Variants in HAS2 observed in about 807,000 individuals in gnomAD.
The protein encoded by HAS2 is hyaluronan synthase 2, also known as HA synthase 2.
A neutral mutation model predicts 51.6 loss-of-function variants in HAS2; 16 were observed. The observed-to-expected ratio is 0.31, with a 90% confidence interval of 0.21 to 0.47. The LOEUF is 0.47. Ranked by LOEUF, HAS2 falls within the 20% of genes least tolerant of loss-of-function variation. The pLI is 1.00. For missense variants in HAS2, 361 were observed against 662.6 expected, an observed-to-expected ratio of 0.54 and a Z score of 5.00; for synonymous variants, 228 against 235.5, an observed-to-expected ratio of 0.97 and a Z score of 0.29.
intron 1 of HAS2, among the ~76,000 whole-genome samples, chr8:121,640,445 G>GTGTGTGTGTGT (rs1563625799): frequency 2.0e-5 from 3 of 150,830 alleles, no homozygotes; most frequent in African/African-American, 4.9e-5. Flanking sequence ...GTGTGTGTGT[G>GTGTGTGTGTGT]GGAAAAAAAG....
chr8:121,634,735 A>T (rs1003680114), intron 1 of HAS2, among the ~76,000 whole-genome samples: 31 of 150,468 alleles, frequency 2.1e-4, no homozygotes, highest in African/African-American at 7.6e-4. Context: ...CCTTAAGGGT[A>T]CCCCTCAAAC....
chr8:121,640,696 A>C (rs765620860), intron 1 of HAS2, among the ~76,000 whole-genome samples, 157 bp downstream of exon 1: 26 of 152,292 alleles, frequency 1.7e-4, no homozygotes, highest in Admixed American at 2.6e-4. Context: ...GTGACCTGAA[A>C]TATTCCCTGA....
intron 1 of HAS2, among the ~76,000 whole-genome samples, chr8:121,632,654 C>T (rs1812949114): frequency 1.3e-5 from 2 of 152,052 alleles, no homozygotes; most frequent in South Asian, 2.1e-4. Context: ...TTTTCACTAA[C>T]GTGTCCCAAG....
At chr8:121,621,493 T>C (rs555754813) in intron 2 of HAS2, among the ~76,000 whole-genome samples, 3 of 152,302 alleles carry the variant, frequency 2.0e-5, no homozygotes, top group African/African-American at 7.2e-5. Flanking sequence ...AGTATTTCCA[T>C]TAGTATAAGG....
At chr8:121,630,021 G>T (rs1174535173) in intron 1 of HAS2, among the ~76,000 whole-genome samples, 1 of 152,026 alleles carries the variant, frequency 6.6e-6, no homozygotes, top group Non-Finnish European at 1.5e-5. Context: ...AGTCCTCACT[G>T]ACACTAAAAA....
chr8:121,626,711 C>T (rs976306878), intron 2 of HAS2, among the ~76,000 whole-genome samples: 4 of 152,084 alleles, frequency 2.6e-5, no homozygotes, highest in African/African-American at 9.7e-5. Flanking sequence ...TAGGAAATTG[C>T]CATTTTTATA....
Position 121,614,676 on chromosome 8 carries a change from G to A in HAS2, c.1092C>T (p.Tyr364=). 6.2e-7 allele frequency: 1 copy of A among 1,614,126 alleles called. No homozygotes were observed. The highest frequency in any genetic ancestry group is 1.6e-4 in the Middle Eastern group (1 of 6,062). Residue 364 remains tyrosine, a synonymous_variant, in exon 4 of 4, where the codon TAC becomes TAT. Transcript: ENST00000303924. This position sits in a 1 kb window ranked among gnomAD's most constrained non-coding sequence, Gnocchi z 7.2. ...GATGTTTGTGAAACCACATTGCATT[G>A]TACAGCCATTCTCGGAAGTAGGACT... ...WSKSYFREWL[Y]NAMWFHKHHL...
chr8:121,624,389 T>C (rs1424431578), intron 2 of HAS2, among the ~76,000 whole-genome samples: 1 of 152,228 alleles, frequency 6.6e-6, no homozygotes, highest in Non-Finnish European at 1.5e-5. Flanking sequence ...AACATGCACA[T>C]TGGATGACTC....
intron 2 of HAS2, among the ~76,000 whole-genome samples, chr8:121,627,408 G>A (rs1437985808): frequency 6.6e-6 from 1 of 152,062 alleles, no homozygotes; most frequent in Non-Finnish European, 1.5e-5. Flanking sequence ...CTGTCTAGAA[G>A]GGAGATTAAC....
intron 2 of HAS2, among the ~76,000 whole-genome samples, chr8:121,622,784 T>C (rs1445530728): frequency 6.6e-6 from 1 of 152,164 alleles, no homozygotes; most frequent in Non-Finnish European, 1.5e-5. Context: ...AACTTTATTT[T>C]TTAATCTTGA....
At chr8:121,628,655 G>A (rs1423721529) in intron 2 of HAS2, 59 bp downstream of exon 2, 16 of 1,508,044 alleles carry the variant, frequency 1.1e-5, no homozygotes, top group Non-Finnish European at 1.4e-5. Flanking sequence ...TGACTGGACA[G>A]ATACAAAAGC....
intron 2 of HAS2, among the ~76,000 whole-genome samples, chr8:121,621,515 A>G: frequency 6.6e-6 from 1 of 152,192 alleles, no homozygotes; most frequent in East Asian, 1.9e-4. Context: ...AATAGTCTTC[A>G]ATATTTTATA....
intron 2 of HAS2, among the ~76,000 whole-genome samples, chr8:121,622,207 AC>A (rs1450751020): frequency 6.6e-6 from 1 of 152,150 alleles, no homozygotes. Context: ...AATGGCAGGA[AC>A]AAAAAATTCC....
chr8:121,616,062 T>C (rs1350754019), intron 3 of HAS2, among the ~76,000 whole-genome samples: 1 of 152,184 alleles, frequency 6.6e-6, no homozygotes, highest in Non-Finnish European at 1.5e-5. Context: ...ATCTAAATTT[T>C]AAAGTCTATT....
At chr8:121,632,483 T>C (rs934691227) in intron 1 of HAS2, among the ~76,000 whole-genome samples, 1 of 152,162 alleles carries the variant, frequency 6.6e-6, no homozygotes, top group Non-Finnish European at 1.5e-5. Flanking sequence ...TTTTAATTTT[T>C]CCCCCAGTAT....
chr8:121,615,925 CTCT>C (rs1812695312), intron 3 of HAS2, among the ~76,000 whole-genome samples: 1 of 152,110 alleles, frequency 6.6e-6, no homozygotes, highest in Non-Finnish European at 1.5e-5. Context: ...ACATTCTCTC[CTCT>C]GTCTCAATTT....
intron 1 of HAS2, among the ~76,000 whole-genome samples, chr8:121,636,309 G>A (rs1163675499): frequency 6.6e-6 from 1 of 152,072 alleles, no homozygotes; most frequent in Non-Finnish European, 1.5e-5. Context: ...CCCAAATGAA[G>A]TCTCCCCGCA....
chr8:121,619,930 C>T (rs756921752), intron 2 of HAS2, among the ~76,000 whole-genome samples: 3 of 152,162 alleles, frequency 2.0e-5, no homozygotes, highest in Non-Finnish European at 4.4e-5. Context: ...TGAGCACAAG[C>T]AAGCCAGGAG....
At chr8:121,635,204 G>A (rs553481365) in intron 1 of HAS2, among the ~76,000 whole-genome samples, 4 of 152,194 alleles carry the variant, frequency 2.6e-5, no homozygotes, top group African/African-American at 2.4e-5. Context: ...GACTGAGTTG[G>A]GATAGAATCC....
Sources: gnomAD v4.1 joint callset for allele counts (sites outside exome capture counted in the v4.1 genomes callset) on GRCh38, gnomAD v4.1.1 for gene constraint, Gnocchi (gnomAD v3.1) non-coding constraint, MANE v1.5 for transcripts, NCBI Gene and HGNC (gene_info 2026-07-23, HGNC 2026-07-21) for gene names.